SCAPER: variants seen among roughly 807,000 people sequenced by gnomAD.
SCAPER encodes S-phase cyclin A associated protein in the ER, also known as S phase cyclin A-associated protein in the endoplasmic reticulum.
In SCAPER, 98 loss-of-function variants were observed where a neutral mutation model predicts 182.2. The observed-to-expected ratio is 0.54, with a 90% CI of 0.46 to 0.64. The LOEUF (loss-of-function observed/expected upper bound fraction) is 0.64. SCAPER is among the 30% of genes least tolerant of loss of function. The pLI, the probability that SCAPER is intolerant of heterozygous loss-of-function variation, is 0.00. For synonymous variants in SCAPER, 605 were observed against 564.6 expected (o/e 1.07, Z -1.01); for missense variants, 1,432 against 1,690.0 (o/e 0.85, Z 2.68).
intron 26 of SCAPER, among the ~76,000 whole-genome samples, chr15:76,430,983 A>G (rs1449000847): frequency 6.6e-6 from 1 of 152,128 alleles, no homozygotes; most frequent in East Asian, 1.9e-4. Flanking sequence ...CGTGATAGTG[A>G]ATAAGTCTCA....
At chr15:76,781,373 G>C (rs1176025041) in intron 8 of SCAPER, among the ~76,000 whole-genome samples, 1 of 152,186 alleles carries the variant, frequency 6.6e-6, no homozygotes, top group African/African-American at 2.4e-5. Context: ...AAGCCTCCAA[G>C]AAATATGGGA....
At chr15:76,437,830 C>T (rs2047295828) in intron 25 of SCAPER, among the ~76,000 whole-genome samples, 1 of 152,164 alleles carries the variant, frequency 6.6e-6, no homozygotes, top group Admixed American at 6.5e-5. Context: ...TAAACACTTG[C>T]TCATCTAACA....
intron 31 of SCAPER, chr15:76,350,132 A>AT (rs2040435245): frequency 6.6e-6 from 1 of 152,222 alleles, no homozygotes; most frequent in African/African-American, 2.4e-5. Context: ...AAACAAAAAA[A>AT]GGGCTGTGAC....
chr15:76,436,442 GT>G (rs1382263669), intron 25 of SCAPER, among the ~76,000 whole-genome samples: 1 of 151,864 alleles, frequency 6.6e-6, no homozygotes, highest in African/African-American at 2.4e-5. Context: ...ATCTTTTTAT[GT>G]TTTTTCCTGC....
chr15:76,577,894 G>C (rs2047968892), intron 22 of SCAPER, among the ~76,000 whole-genome samples: 1 of 151,896 alleles, frequency 6.6e-6, no homozygotes, highest in Non-Finnish European at 1.5e-5. Flanking sequence ...AGCAACAAGA[G>C]GGTTCTTGAG....
Position 76,753,800 on chromosome 15 carries a change from T to C in SCAPER, c.1866+8A>G, listed in dbSNP as rs139187840. On this transcript the variant is annotated splice_region_variant and intron_variant, in intron 15 of 31. Transcript: ENST00000563290. ...ATTAAGTCAACATTTAAAGCTCTTA[T>C]GATATACCTTAGCTTCTTCTTCTTG... 25,744 of 1,609,870 alleles carry C rather than the reference T, an allele frequency of 0.016. 279 individuals carry two copies. The highest frequency in any genetic ancestry group is 0.019 in the Non-Finnish European group (22,618 of 1,177,624).
intron 5 of SCAPER, among the ~76,000 whole-genome samples, chr15:76,836,958 C>A (rs1344760430): frequency 6.6e-6 from 1 of 152,128 alleles, no homozygotes; most frequent in Non-Finnish European, 1.5e-5. Context: ...AGATACCATT[C>A]TGGATATATG....
chr15:76,685,971 A>G (rs1044539514), intron 20 of SCAPER, among the ~76,000 whole-genome samples: 5 of 152,120 alleles, frequency 3.3e-5, no homozygotes, highest in African/African-American at 1.2e-4. Flanking sequence ...ACTTCAAAAC[A>G]CTTAATGGAA....
chr15:76,369,941 A>G (rs1305685508), intron 29 of SCAPER, among the ~76,000 whole-genome samples: 1 of 152,178 alleles, frequency 6.6e-6, no homozygotes, highest in East Asian at 1.9e-4. Flanking sequence ...GGTACATGAC[A>G]TCTCACCTGT....
intron 25 of SCAPER, among the ~76,000 whole-genome samples, chr15:76,441,023 G>A (rs2047553245): frequency 7.3e-6 from 1 of 137,424 alleles, no homozygotes. Context: ...CCAGGTTCAC[G>A]CCATTCTCCC....
At chr15:76,578,931 G>C (rs766863140) in intron 22 of SCAPER, among the ~76,000 whole-genome samples, 1 of 152,150 alleles carries the variant, frequency 6.6e-6, no homozygotes, top group Non-Finnish European at 1.5e-5. Context: ...TAGTTGTTTT[G>C]ATGAAACTCA....
At chr15:76,769,278 T>TA (rs2063306535) in intron 10 of SCAPER, among the ~76,000 whole-genome samples, 1 of 150,626 alleles carries the variant, frequency 6.6e-6, no homozygotes, top group South Asian at 2.1e-4. Context: ...CCGTTTCTAC[T>TA]AAAAAATACA....
intron 20 of SCAPER, among the ~76,000 whole-genome samples, chr15:76,681,483 G>A (rs2057700217): frequency 6.6e-6 from 1 of 152,178 alleles, no homozygotes; most frequent in Non-Finnish European, 1.5e-5. Flanking sequence ...GCAGCCAGGA[G>A]GAACATCTAT....
At chr15:76,385,666 A>G (rs768141724) in intron 27 of SCAPER, among the ~76,000 whole-genome samples, 1 of 152,210 alleles carries the variant, frequency 6.6e-6, no homozygotes. Flanking sequence ...GCCAAACTGT[A>G]TCCAGTGACA....
At chr15:76,531,548 T>C (rs1186594704) in intron 23 of SCAPER, among the ~76,000 whole-genome samples, 1 of 152,118 alleles carries the variant, frequency 6.6e-6, no homozygotes, top group Non-Finnish European at 1.5e-5. Context: ...TTACCACTTA[T>C]TTGCTATGGG....
chr15:76,573,690 T>C (rs2047615267), intron 23 of SCAPER, among the ~76,000 whole-genome samples: 1 of 152,140 alleles, frequency 6.6e-6, no homozygotes, highest in African/African-American at 2.4e-5. Flanking sequence ...TAATAAATAC[T>C]TTAAAAATCA....
intron 5 of SCAPER, among the ~76,000 whole-genome samples, chr15:76,817,194 T>G (rs754721516): frequency 6.6e-6 from 1 of 152,228 alleles, no homozygotes; most frequent in Non-Finnish European, 1.5e-5. Context: ...ATTGAAACAC[T>G]GTTATGCAGC....
At chr15:76,875,060 C>A (rs1027207070) in intron 2 of SCAPER, among the ~76,000 whole-genome samples, 1 of 152,134 alleles carries the variant, frequency 6.6e-6, no homozygotes, top group Non-Finnish European at 1.5e-5. Flanking sequence ...ACATAACTTA[C>A]CAAACCTTGG....
chr15:76,771,720 T>C, intron 10 of SCAPER, 22 bp downstream of exon 10: 1 of 1,586,750 alleles, frequency 6.3e-7, no homozygotes, highest in Non-Finnish European at 8.6e-7. Context: ...TAAGTTGTTC[T>C]TACCAAGTTA....
Sources: allele counts gnomAD v4.1 joint callset (sites outside exome capture counted in the v4.1 genomes callset), GRCh38; gene constraint gnomAD v4.1.1; transcripts MANE v1.5; gene names NCBI Gene and HGNC (gene_info 2026-07-23, HGNC 2026-07-21).